PRKCA: variants seen among roughly 807,000 people sequenced by gnomAD.
PRKCA encodes the protein protein kinase C alpha, also known as protein kinase C alpha type.
In PRKCA, 27 loss-of-function variants were observed where a neutral mutation model predicts 87.0. The observed-to-expected ratio is 0.31, with a 90% CI of 0.23 to 0.43. The LOEUF (loss-of-function observed/expected upper bound fraction) is 0.43. Ranked by LOEUF, PRKCA falls within the 20% of genes least tolerant of loss-of-function variation. The pLI, the probability that PRKCA is intolerant of heterozygous loss-of-function variation, is 1.00. For missense variants in PRKCA, 518 were observed against 852.3 expected (o/e 0.61, Z 4.88); for synonymous variants, 329 against 311.1 (o/e 1.06, Z -0.61).
At chr17:66,779,949 T>C (rs1038924168) in intron 14 of PRKCA, among the ~76,000 whole-genome samples, 2 of 152,112 alleles carry the variant, frequency 1.3e-5, no homozygotes, top group African/African-American at 2.4e-5. Context: ...CCAGGCTAAG[T>C]GGCTGGCAGT....
intron 2 of PRKCA, among the ~76,000 whole-genome samples, chr17:66,365,983 A>T (rs1307109715): frequency 6.6e-6 from 1 of 152,162 alleles, no homozygotes; most frequent in Non-Finnish European, 1.5e-5. Context: ...ATGTGAATGG[A>T]GACATTTGTA....
chr17:66,318,047 C>T (rs1598587041), intron 2 of PRKCA, among the ~76,000 whole-genome samples: 1 of 152,146 alleles, frequency 6.6e-6, no homozygotes, highest in East Asian at 1.9e-4. Context: ...AATAGGTGGG[C>T]TTCAAAATAA....
At chr17:66,350,300 C>T (rs569028904) in intron 2 of PRKCA, among the ~76,000 whole-genome samples, 2 of 152,086 alleles carry the variant, frequency 1.3e-5, no homozygotes, top group African/African-American at 2.4e-5. Flanking sequence ...CCAAATGAGC[C>T]GTCTGAGTGG....
chr17:66,470,903 T>C (rs1915298303), intron 2 of PRKCA, among the ~76,000 whole-genome samples: 1 of 152,174 alleles, frequency 6.6e-6, no homozygotes, highest in Non-Finnish European at 1.5e-5. Context: ...ACTAAGAGTG[T>C]GTATAATTAG....
At position 66,302,891 on chromosome 17, in the gene PRKCA, C is replaced by G. The variant is rs956503012; in HGVS notation, c.40C>G (p.Gln14Glu). The G allele has an allele frequency of 1.9e-6, 3 of 1,610,440 alleles. No homozygotes were observed. In the Admixed American group the frequency reaches 5.0e-5, roughly 27 times the overall value. ...VFPGNDSTAS[Q>E]DVANRFARKG... ...CCCGGGCAACGACTCCACGGCGTCT[C>G]AGGACGTGGCCAACCGCTTCGCCCG... is the stretch of plus-strand genomic sequence containing the variant. Residue 14 changes from glutamine (Q) to glutamate (E), a missense_variant, in exon 1 of 17, where the codon CAG becomes GAG. Transcript: ENST00000413366.
At chr17:66,703,089 G>C (rs1973101374) in intron 8 of PRKCA, among the ~76,000 whole-genome samples, 1 of 152,098 alleles carries the variant, frequency 6.6e-6, no homozygotes, top group Non-Finnish European at 1.5e-5. Context: ...ACAACACTTA[G>C]GCTACACTCA....
At chr17:66,629,314 T>G (rs530144405) in intron 3 of PRKCA, among the ~76,000 whole-genome samples, 4 of 152,186 alleles carry the variant, frequency 2.6e-5, no homozygotes, top group Non-Finnish European at 4.4e-5. Context: ...CTATTTGAAC[T>G]TCATGACAAA....
intron 2 of PRKCA, among the ~76,000 whole-genome samples, chr17:66,319,238 T>A (rs1905505576): frequency 6.6e-6 from 1 of 152,210 alleles, no homozygotes; most frequent in Non-Finnish European, 1.5e-5. Flanking sequence ...GCTTTTTTGT[T>A]TAATTTTCTG....
At chr17:66,798,465 TGGTGGTGGTGGTGGTGGTGGTGAC>T (rs1975742711) in intron 16 of PRKCA, among the ~76,000 whole-genome samples, 1 of 85,260 alleles carries the variant, frequency 1.2e-5, no homozygotes, top group Non-Finnish European at 2.2e-5. Flanking sequence ...GTGGTGGTGG[TGGTGGTGGTGGTGGTGGTGGTGAC>T]GGTGGTGGTG....
chr17:66,603,010 C>T (rs1199081575), intron 3 of PRKCA, among the ~76,000 whole-genome samples: 1 of 152,188 alleles, frequency 6.6e-6, no homozygotes, highest in Non-Finnish European at 1.5e-5. Context: ...CCCTGTCCTT[C>T]TCACCCTTCA....
intron 2 of PRKCA, among the ~76,000 whole-genome samples, chr17:66,457,700 C>T (rs769103608): frequency 3.3e-5 from 5 of 152,110 alleles, no homozygotes; most frequent in Non-Finnish European, 7.4e-5. Flanking sequence ...ACCCTTTGCT[C>T]TGCACTTCTC....
chr17:66,386,730 G>C (rs1302252824), intron 2 of PRKCA, among the ~76,000 whole-genome samples: 2 of 152,102 alleles, frequency 1.3e-5, no homozygotes, highest in Non-Finnish European at 2.9e-5. Flanking sequence ...GATACTCCCT[G>C]TTGCCCTACA....
chr17:66,796,592 G>T (rs549669095), intron 16 of PRKCA: 1 of 985,146 alleles, frequency 1.0e-6, no homozygotes, highest in Non-Finnish European at 1.2e-6. Context: ...GGTCATGCAC[G>T]TAGCCCGTTC....
intron 2 of PRKCA, among the ~76,000 whole-genome samples, chr17:66,327,446 G>A (rs1283840411): frequency 6.6e-6 from 1 of 151,738 alleles, no homozygotes. Flanking sequence ...TGAGGCACGA[G>A]AATCACTGGA....
At chr17:66,407,917 C>T (rs1911513763) in intron 2 of PRKCA, among the ~76,000 whole-genome samples, 1 of 152,134 alleles carries the variant, frequency 6.6e-6, no homozygotes, top group African/African-American at 2.4e-5. Context: ...TTAGAAATAA[C>T]AGATAAGCAG....
chr17:66,356,251 G>T (rs1908041542), intron 2 of PRKCA, among the ~76,000 whole-genome samples: 1 of 152,008 alleles, frequency 6.6e-6, no homozygotes, highest in Non-Finnish European at 1.5e-5. Flanking sequence ...ATGGTGTAAA[G>T]GACAAGATGA....
chr17:66,313,739 A>C (rs1905180252), intron 2 of PRKCA, among the ~76,000 whole-genome samples: 1 of 152,144 alleles, frequency 6.6e-6, no homozygotes, highest in South Asian at 2.1e-4. Flanking sequence ...GTTATTTTTA[A>C]AATTTTTGTA....
chr17:66,443,080 T>C (rs1249309497), intron 2 of PRKCA, among the ~76,000 whole-genome samples: 1 of 152,196 alleles, frequency 6.6e-6, no homozygotes, highest in Non-Finnish European at 1.5e-5. Flanking sequence ...CGTTGGTTAG[T>C]AGAAACCTTA....
intron 8 of PRKCA, among the ~76,000 whole-genome samples, chr17:66,692,254 A>G (rs1415626115): frequency 6.6e-6 from 1 of 152,256 alleles, no homozygotes; most frequent in African/African-American, 2.4e-5. Context: ...TTCAGCTTAT[A>G]GTTCCTAGAT....
Sources: allele counts gnomAD v4.1 joint callset (sites outside exome capture counted in the v4.1 genomes callset), GRCh38; gene constraint gnomAD v4.1.1; transcripts MANE v1.5; gene names NCBI Gene and HGNC (gene_info 2026-07-23, HGNC 2026-07-21).